The following MBLAC2 variants were observed in gnomAD, a reference collection of about 807,000 sequenced individuals.
MBLAC2 encodes acyl-coenzyme A thioesterase MBLAC2.
A neutral mutation model predicts 23.3 loss-of-function variants in MBLAC2; 24 were observed. The observed-to-expected ratio is 1.03, with a 90% confidence interval of 0.75 to 1.45. MBLAC2 has a LOEUF of 1.45. MBLAC2 is among the 40% of genes most tolerant of loss of function. The pLI, the probability that MBLAC2 is intolerant of heterozygous loss-of-function variation, is 0.00. For synonymous variants in MBLAC2, 162 were observed against 150.9 expected (o/e 1.07, Z -0.54); for missense variants, 358 against 370.0 (o/e 0.97, Z 0.27).
intron 1 of MBLAC2, among the ~76,000 whole-genome samples, chr5:90,465,351 A>C (rs76630272): frequency 0.021 from 3,162 of 152,312 alleles, 50 homozygotes; most frequent in Non-Finnish European, 0.031. Flanking sequence ...AAATTAAAGA[A>C]GACCTCAATA....
At chr5:90,461,732 G>A (rs990614814) in intron 1 of MBLAC2, among the ~76,000 whole-genome samples, 180 bp from the exon 2 acceptor site, 4 of 152,154 alleles carry the variant, frequency 2.6e-5, no homozygotes, top group Non-Finnish European at 2.9e-5. Context: ...CCTATTGTTT[G>A]CTAGACCAGT....
chr5:90,474,507 C>T lies in MBLAC2; in HGVS notation c.-215G>A, dbSNP rs1014001014. ...TAGCGTGCGCTCCCGCACCCTTCCG[C>T]CAGGTCGGCAGCAAGCAGAGGCTGC... On this transcript the variant is annotated 5_prime_UTR_variant, in exon 1 of 2. Coordinates refer to ENST00000316610, the MANE Select transcript of MBLAC2 (RefSeq NM_203406.2). 1 of 553,136 alleles carries T rather than the reference C, an allele frequency of 1.8e-6. No homozygotes were observed. Among genetic ancestry groups the T allele is most frequent in the Non-Finnish European group, 3.2e-6 (1 of 314,814 alleles). 34.3% of individuals were successfully genotyped at this position (553,136 alleles called of 1,614,324 possible).
In MBLAC2 at chr5:90,467,149, A is replaced by C. The variant is rs139420831; in HGVS notation, c.455-5597T>G. On this transcript the variant is annotated intron_variant, in intron 1 of 1. Transcript: ENST00000316610. Reference sequence around the variant, plus strand: ...CATCTCAAAAAAGTAAAAAATAAAAAAATGTAGTTGTTGGGTAGAATGTTC... The same window carrying C: ...CATCTCAAAAAAGTAAAAAATAAAACAATGTAGTTGTTGGGTAGAATGTTC... 2.4e-3 allele frequency among the ~76,000 whole-genome samples: 360 copies of C among 152,304 alleles called. 3 individuals carry two copies. Among genetic ancestry groups the C allele is most frequent in the African/African-American group, 8.1e-3 (336 of 41,560 alleles).
In MBLAC2 at chr5:90,460,487, CT is replaced by C. The variant is rs1750348268; in HGVS notation, c.*679del. On this transcript the variant is annotated 3_prime_UTR_variant, in exon 2 of 2. Transcript: ENST00000316610. ...TCACTTTCATAATTGAAAATATTACCTACACAATAACAAACAACAATATATA... is the reference window on the plus strand; with the variant it reads ...TCACTTTCATAATTGAAAATATTACCACACAATAACAAACAACAATATATA... 6.6e-6 allele frequency: 1 copy of C among 152,334 alleles called. No homozygotes were observed. Among genetic ancestry groups the C allele is most frequent in the South Asian group, 2.1e-4 (1 of 4,834 alleles). The allele number at this position is 152,334 out of a possible 1,614,324, so 9.4% of individuals were successfully genotyped here. A position where few individuals can be genotyped will look rare whatever the true frequency, so the allele number is the denominator to read the frequency against.
chr5:90,474,183 C>T lies in MBLAC2; in HGVS notation c.110G>A (p.Gly37Asp), dbSNP rs1321526608. Reference sequence around the variant, plus strand: ...ATCGATCACCACGTCCTGCTCGGAGCCGCGCACCAGCCAGATGTTGGCACG... The same window carrying T: ...ATCGATCACCACGTCCTGCTCGGAGTCGCGCACCAGCCAGATGTTGGCACG... The part of the protein sequence containing the change: ...GNRANIWLVR[G>D]SEQDVVIDTG... The change falls in exon 1 of 2, where the codon GGC becomes GAC. Residue 37 changes from glycine to aspartate, a missense_variant. Transcript: ENST00000316610. 6.2e-7 allele frequency: 1 copy of T among 1,607,118 alleles called. No individual in the cohort carries two copies. The highest frequency in any genetic ancestry group is 8.5e-7 in the Non-Finnish European group (1 of 1,176,876).
intron 1 of MBLAC2, among the ~76,000 whole-genome samples, chr5:90,463,784 C>A (rs1364470388): frequency 6.6e-6 from 1 of 151,858 alleles, no homozygotes. Context: ...CAGAAAAAAA[C>A]AGATGAAACC....
Position 90,473,821 on chromosome 5 carries a change from C to T in MBLAC2, c.454+18G>A, listed in dbSNP as rs771837933. 1.3e-6 allele frequency: 2 copies of T among 1,557,308 alleles called. No homozygotes were observed. Among genetic ancestry groups the T allele is most frequent in the Non-Finnish European group, 1.7e-6 (2 of 1,150,342 alleles). Reference sequence around the variant, plus strand: ...TACCCTCCCTTAACGAGAGCGCGCGCCCGCGGGGGCCCATTACCATCCTGC... The same window carrying T: ...TACCCTCCCTTAACGAGAGCGCGCGTCCGCGGGGGCCCATTACCATCCTGC... On this transcript the variant is annotated intron_variant, in intron 1 of 1. Coordinates refer to ENST00000316610, the MANE Select transcript of MBLAC2 (RefSeq NM_203406.2).
In MBLAC2 at chr5:90,458,487, T is replaced by C. The variant is rs1001213052; in HGVS notation, c.*2680A>G. The C allele has an allele frequency of 3.9e-5, 6 of 152,206 alleles. No homozygotes were observed. The highest frequency in any genetic ancestry group is 1.4e-4 in the African/African-American group (6 of 41,472). The allele number at this position is 152,206 out of a possible 1,614,324, so 9.4% of individuals were successfully genotyped here. On this transcript the variant is annotated 3_prime_UTR_variant, in exon 2 of 2. Transcript: ENST00000316610. ...CTTACATTTTGACAACTTTGAATTATACTTACATACTAATATTTCCAAAAA... is the reference window on the plus strand; with the variant it reads ...CTTACATTTTGACAACTTTGAATTACACTTACATACTAATATTTCCAAAAA...
rs781116552 is a variant in MBLAC2, at chr5:90,474,011, C to A, written c.282G>T (p.Gln94His). 3 of 1,597,400 alleles carry A rather than the reference C, an allele frequency of 1.9e-6. No individual in the cohort carries two copies. The highest frequency in any genetic ancestry group is 1.8e-5 in the Admixed American group (1 of 56,632). The change falls in exon 1 of 2, where the codon CAG (glutamine) becomes CAT (histidine). Residue 94 changes from glutamine to histidine, a missense_variant. Physicochemically the swap from Gln to His is conservative, Grantham distance 24. Coordinates refer to ENST00000316610, the MANE Select transcript of MBLAC2 (RefSeq NM_203406.2). The part of the protein sequence containing the change: ...VHFDHSGGLY[Q>H]FDRVAVHHAE... The stretch of plus-strand genomic sequence containing the variant: ...CGTGGTGCACTGCCACGCGGTCGAA[C>A]TGGTAGAGGCCGCCGGAGTGGTCGA...
Position 90,474,026 on chromosome 5 carries a change from G to A in MBLAC2, c.267C>T (p.Ser89=), listed in dbSNP as rs1466246502. Reference sequence around the variant, plus strand: ...CGCGGTCGAACTGGTAGAGGCCGCCGGAGTGGTCGAAGTGCACGTGGGTGG... The same window carrying A: ...CGCGGTCGAACTGGTAGAGGCCGCCAGAGTGGTCGAAGTGCACGTGGGTGG... ...AVATHVHFDH[S]GGLYQFDRVA... is the part of the protein sequence containing the mutation. The change falls in exon 1 of 2, where the codon TCC becomes TCT. Residue 89 remains serine (S), a synonymous_variant. Transcript: ENST00000316610. The A allele has an allele frequency of 3.8e-6, 6 of 1,594,092 alleles. No individual in the cohort carries two copies. The South Asian group carries it at 5.7e-5, about 15-fold the overall frequency.
At chr5:90,473,523 G>A in intron 1 of MBLAC2, 1 of 593,078 alleles carries the variant, frequency 1.7e-6, no homozygotes. Context: ...GAAATCCCTA[G>A]TCAGTCACAA....
intron 1 of MBLAC2, among the ~76,000 whole-genome samples, chr5:90,462,609 T>C (rs956102671): frequency 6.4e-4 from 97 of 152,202 alleles, no homozygotes; most frequent in African/African-American, 2.3e-3. Context: ...TAAGACAAAA[T>C]TGATTTTTAC....
At chr5:90,469,245 C>T (rs1439883999) in intron 1 of MBLAC2, among the ~76,000 whole-genome samples, 1 of 152,154 alleles carries the variant, frequency 6.6e-6, no homozygotes, top group African/African-American at 2.4e-5. Flanking sequence ...GGATTACAGA[C>T]ATGAGCCACT....
intron 1 of MBLAC2, among the ~76,000 whole-genome samples, chr5:90,468,481 T>G (rs1220541876): frequency 2.0e-5 from 3 of 152,070 alleles, no homozygotes; most frequent in African/African-American, 7.2e-5. Context: ...CTTGTTTGAT[T>G]CTATTGCTGA....
chr5:90,466,865 C>T (rs930475635), intron 1 of MBLAC2, among the ~76,000 whole-genome samples: 1 of 152,134 alleles, frequency 6.6e-6, no homozygotes, highest in African/African-American at 2.4e-5. Flanking sequence ...GAGCTGGGCG[C>T]ACTGGCTCAT....
intron 1 of MBLAC2, among the ~76,000 whole-genome samples, chr5:90,469,086 C>T (rs1024397763): frequency 2.0e-5 from 3 of 152,126 alleles, no homozygotes; most frequent in Admixed American, 6.5e-5. Flanking sequence ...CAAGATCAGC[C>T]TCCCGAGTAG....
intron 1 of MBLAC2, 183 bp downstream of exon 1, chr5:90,473,656 C>CTGTG (rs563412457): frequency 1.4e-6 from 1 of 709,838 alleles, no homozygotes; most frequent in South Asian, 1.5e-5. Context: ...GCAGGGAAGG[C>CTGTG]TGTGATGGCC....
chr5:90,470,756 G>GCGCACACA (rs1272602098), intron 1 of MBLAC2, among the ~76,000 whole-genome samples: 10 of 140,652 alleles, frequency 7.1e-5, no homozygotes, highest in Admixed American at 4.3e-4. Flanking sequence ...TAGCGCGCGC[G>GCGCACACA]CACACACACA....
In MBLAC2 at chr5:90,458,556, T is replaced by G. The variant is rs1750304003; in HGVS notation, c.*2611A>C. On this transcript the variant is annotated 3_prime_UTR_variant, in exon 2 of 2. Transcript: ENST00000316610. The stretch of plus-strand genomic sequence containing the variant: ...TCACTGTCAGGGTGAAAATATATTT[T>G]GAAAAGCTTTTTAAAGATATGTTAT... 1 of 152,220 alleles carries G rather than the reference T, an allele frequency of 6.6e-6. No homozygotes were observed. Among genetic ancestry groups the G allele is most frequent in the Non-Finnish European group, 1.5e-5 (1 of 68,020 alleles). 9.4% of individuals were successfully genotyped at this position (152,220 alleles called of 1,614,324 possible).
Sources: allele counts gnomAD v4.1 joint callset (sites outside exome capture counted in the v4.1 genomes callset), GRCh38; gene constraint gnomAD v4.1.1; transcripts MANE v1.5; gene names NCBI Gene and HGNC (gene_info 2026-07-23, HGNC 2026-07-21).